The following CFAP47 variants were observed in gnomAD, a reference collection of about 807,000 sequenced individuals.
The protein encoded by CFAP47 is cilia- and flagella-associated protein 47.
CFAP47 carries 29 observed loss-of-function variants against 148.1 expected under a neutral mutation model. The ratio of observed to expected loss-of-function variants is 0.20; its 90% CI spans 0.15 to 0.27. The LOEUF is 0.27. Ranked by LOEUF, CFAP47 falls within the 10% of genes least tolerant of loss-of-function variation. The pLI is 1.00. For missense variants in CFAP47, 1,872 were observed against 1,697.5 expected, an observed-to-expected ratio of 1.10 and a Z score of -1.81; for synonymous variants, 664 against 577.3, an observed-to-expected ratio of 1.15 and a Z score of -2.15.
At chrX:36,065,007 G>C (rs144784221) in intron 26 of CFAP47, among the ~76,000 whole-genome samples, 1,847 of 111,773 alleles carry the variant, frequency 0.017, 44 homozygotes, top group African/African-American at 0.057. Flanking sequence ...AGGACAAACA[G>C]AAAACAAAAG....
intron 55 of CFAP47, among the ~76,000 whole-genome samples, chrX:36,310,198 C>T (rs1483075061): frequency 9.0e-6 from 1 of 110,714 alleles, no homozygotes; most frequent in Non-Finnish European, 1.9e-5. Flanking sequence ...GACTTTTATC[C>T]TAAAATACAA....
At chrX:36,126,584 T>C (rs1259898777) in intron 33 of CFAP47, among the ~76,000 whole-genome samples, 2 of 112,263 alleles carry the variant, frequency 1.8e-5, no homozygotes, top group Non-Finnish European at 3.8e-5. Context: ...TATAGTAGAA[T>C]GATTTATAAT....
chrX:35,987,597 C>A (rs1250484860), intron 15 of CFAP47, among the ~76,000 whole-genome samples: 3 of 111,248 alleles, frequency 2.7e-5, no homozygotes, highest in East Asian at 5.7e-4. Flanking sequence ...TGGCGTCAGC[C>A]CCTTTCCAGG....
chrX:36,298,464 A>T (rs868917805), intron 51 of CFAP47, among the ~76,000 whole-genome samples: 1 of 105,697 alleles, frequency 9.5e-6, no homozygotes, highest in Middle Eastern at 4.8e-3. Context: ...ATGCTAGATG[A>T]CGAGTTAGTG....
intron 46 of CFAP47, 66 bp from the exon 47 acceptor site, chrX:36,235,868 T>A (rs1200344401): frequency 2.5e-6 from 1 of 405,525 alleles, no homozygotes; most frequent in African/African-American, 2.6e-5. Flanking sequence ...TTACCAAGAA[T>A]TCATATGTAA....
intron 27 of CFAP47, among the ~76,000 whole-genome samples, chrX:36,067,394 A>G (rs1937657049): frequency 9.0e-6 from 1 of 111,561 alleles, no homozygotes; most frequent in African/African-American, 3.3e-5. Context: ...TATAGTCCAT[A>G]CAGGTGCCAA....
chrX:35,962,487 C>T (rs887109966), intron 8 of CFAP47, among the ~76,000 whole-genome samples: 2 of 110,953 alleles, frequency 1.8e-5, no homozygotes, highest in African/African-American at 6.5e-5. Context: ...TTTTTTGATG[C>T]TATTAGGTGC....
intron 49 of CFAP47, among the ~76,000 whole-genome samples, chrX:36,263,373 T>G (rs1940852744): frequency 8.9e-6 from 1 of 112,152 alleles, no homozygotes; most frequent in Admixed American, 9.4e-5. Flanking sequence ...CTTGAGATAG[T>G]CTTCTTTGAG....
At chrX:36,191,710 G>A (rs1419425918) in intron 42 of CFAP47, among the ~76,000 whole-genome samples, 2 of 111,277 alleles carry the variant, frequency 1.8e-5, no homozygotes, top group Non-Finnish European at 3.8e-5. Flanking sequence ...TTGGCCGGGC[G>A]CAGTGACTCA....
At chrX:36,381,391 A>G (rs1433817009) in intron 63 of CFAP47, among the ~76,000 whole-genome samples, 3 of 112,195 alleles carry the variant, frequency 2.7e-5, no homozygotes, top group Non-Finnish European at 5.6e-5. Flanking sequence ...TTGCATTATC[A>G]TCTTTTTTAA....
intron 8 of CFAP47, among the ~76,000 whole-genome samples, chrX:35,957,376 A>G (rs1936262947): frequency 9.0e-6 from 1 of 111,025 alleles, no homozygotes; most frequent in Non-Finnish European, 1.9e-5. Flanking sequence ...ATGTTATCAT[A>G]TTTCTTCCAC....
At chrX:35,972,992 C>T (rs1936516381) in intron 13 of CFAP47, among the ~76,000 whole-genome samples, 1 of 111,875 alleles carries the variant, frequency 8.9e-6, no homozygotes, top group Admixed American at 9.5e-5. Flanking sequence ...TCAACATTCT[C>T]ACCAGCACTG....
chrX:36,207,811 A>C (rs1212269365), intron 45 of CFAP47, among the ~76,000 whole-genome samples: 1 of 111,358 alleles, frequency 9.0e-6, no homozygotes, highest in Non-Finnish European at 1.9e-5. Flanking sequence ...ATTGGCCTTA[A>C]ATTGCTAGCA....
chrX:36,381,702 A>G (rs1272701232), intron 63 of CFAP47, among the ~76,000 whole-genome samples: 3 of 111,108 alleles, frequency 2.7e-5, no homozygotes, highest in African/African-American at 9.8e-5. Context: ...AGAGAGTACT[A>G]AATCTGCTCA....
chrX:36,374,746 A>ATT, intron 62 of CFAP47: 1 of 475,632 alleles, frequency 2.1e-6, no homozygotes, highest in African/African-American at 2.4e-5. Flanking sequence ...GTCTCAATAT[A>ATT]TTTTTTTTTC....
intron 53 of CFAP47, among the ~76,000 whole-genome samples, chrX:36,301,974 G>A (rs1359840926): frequency 9.1e-6 from 1 of 109,498 alleles, no homozygotes; most frequent in Non-Finnish European, 1.9e-5. Context: ...CATCAAAAGA[G>A]TGTTGCATTC....
In CFAP47 at chrX:36,065,945, C is replaced by T. The variant is rs764561235; in HGVS notation, c.4318+202C>T. On this transcript the variant is annotated intron_variant, in intron 27 of 63. Transcript: ENST00000378653. ...TCTAGTTTGAATAGAATGATTTGGG[C>T]AAAAGACAATATAGCAGAAACATGC... Among the ~76,000 whole-genome samples, 49 of 111,993 alleles carry T rather than the reference C, an allele frequency of 4.4e-4. 1 individual carries two copies. The highest frequency in any genetic ancestry group is 1.5e-3 in the South Asian group (4 of 2,671).
intron 21 of CFAP47, among the ~76,000 whole-genome samples, chrX:36,012,074 A>T (rs1237467899): frequency 8.9e-6 from 1 of 111,846 alleles, no homozygotes; most frequent in East Asian, 2.8e-4. Context: ...AAACATCATC[A>T]TCACTGGTCA....
At chrX:36,247,934 G>A (rs1204698064) in intron 48 of CFAP47, among the ~76,000 whole-genome samples, 3 of 110,642 alleles carry the variant, frequency 2.7e-5, no homozygotes, top group Non-Finnish European at 5.7e-5. Flanking sequence ...GACAAAAATA[G>A]TTTGAAAGTA....
Sources: gnomAD v4.1 joint callset for allele counts (sites outside exome capture counted in the v4.1 genomes callset) on GRCh38, gnomAD v4.1.1 for gene constraint, MANE v1.5 for transcripts, NCBI Gene and HGNC (gene_info 2026-07-23, HGNC 2026-07-21) for gene names.